The following TBX4 variants were observed in gnomAD, a reference collection of about 807,000 sequenced individuals.
TBX4 encodes T-box transcription factor TBX4.
In TBX4, 13 loss-of-function variants were observed where a neutral mutation model predicts 54.6. The observed-to-expected ratio is 0.24, with a 90% CI of 0.15 to 0.38. The LOEUF is 0.38. Ranked by LOEUF, TBX4 falls within the 10% of genes least tolerant of loss-of-function variation. The pLI is 1.00. For synonymous variants in TBX4, 314 were observed against 306.7 expected, an observed-to-expected ratio of 1.02 and a Z score of -0.25; for missense variants, 631 against 728.5, an observed-to-expected ratio of 0.87 and a Z score of 1.54.
At chr17:61,468,677 A>C (rs2060553564) in intron 5 of TBX4, among the ~76,000 whole-genome samples, 1 of 152,254 alleles carries the variant, frequency 6.6e-6, no homozygotes, top group South Asian at 2.1e-4. Context: ...TTGGTGAGCT[A>C]TAAACAAGCA....
intron 1 of TBX4, 185 bp from the exon 2 acceptor site, chr17:61,456,303 G>C (rs905439982): frequency 2.8e-6 from 2 of 711,934 alleles, no homozygotes; most frequent in African/African-American, 1.8e-5. Context: ...ACAGCCTGAA[G>C]GGAGGAGGCG....
At chr17:61,471,735 ATTTCT>A (rs2060579528) in intron 5 of TBX4, among the ~76,000 whole-genome samples, 1 of 151,614 alleles carries the variant, frequency 6.6e-6, no homozygotes, top group African/African-American at 2.4e-5. Flanking sequence ...TATTATTTTA[ATTTCT>A]TTGAGATAGA....
In TBX4 at chr17:61,472,860, CT is replaced by C. The variant is rs1423581786; in HGVS notation, c.549+5204del. Reference sequence around the variant, plus strand: ...TAATTGAGTTGTCCCCTTTCCTCCCCTGGTTGAGGTGCCTTATTTCTGAACA... The same window carrying C: ...TAATTGAGTTGTCCCCTTTCCTCCCCGGTTGAGGTGCCTTATTTCTGAACA... On this transcript the variant is annotated intron_variant, in intron 5 of 8. Transcript: ENST00000644296. This position sits in a 1 kb window ranked among gnomAD's most constrained non-coding sequence, Gnocchi z 4.5. Among the ~76,000 whole-genome samples the C allele has an allele frequency of 1.3e-5, 2 of 151,832 alleles. No homozygotes were observed. The highest frequency in any genetic ancestry group is 2.9e-5 in the Non-Finnish European group (2 of 68,002).
At position 61,484,293 on chromosome 17, in the gene TBX4, T is replaced by TAA. The variant is rs1429255441; in HGVS notation, c.*779_*780dup. 1 of 152,040 alleles carries TAA rather than the reference T, an allele frequency of 6.6e-6. No homozygotes were observed. The highest frequency in any genetic ancestry group is 6.6e-5 in the Admixed American group (1 of 15,264). The allele number at this position is 152,040 out of a possible 1,614,324, so 9.4% of individuals were successfully genotyped here. ...CTCTGTCATCATTCAGATTTTGTAA[T>TAA]AAAGTACAGAGCCCTTCCCCCTAGG... On this transcript the variant is annotated 3_prime_UTR_variant, in exon 9 of 9. Transcript: ENST00000644296. This position sits in a 1 kb window ranked among gnomAD's most constrained non-coding sequence, Gnocchi z 4.1.
chr17:61,476,448 G>A lies in TBX4; in HGVS notation c.550-2179G>A, dbSNP rs1024953112. Among the ~76,000 whole-genome samples, 14 of 152,236 alleles carry A rather than the reference G, an allele frequency of 9.2e-5. No homozygotes were observed. The highest frequency in any genetic ancestry group is 2.4e-4 in the African/African-American group (10 of 41,466). ...CAGGTATTCCATTGCTGGATCTTCC[G>A]GGAACGTGGGTCCTTTGTGGATGCC... On this transcript the variant is annotated intron_variant, in intron 5 of 8. Transcript: ENST00000644296. This position sits in a 1 kb window ranked among gnomAD's most constrained non-coding sequence, Gnocchi z 6.5.
Position 61,470,433 on chromosome 17 carries a change from C to T in TBX4, c.549+2776C>T, listed in dbSNP as rs769427846. ...GAAGTCTTGGGCCTGGTAGCCTGTCCTGTATGGCACATGGGGCCCTGGAAC... is the reference window on the plus strand; with the variant it reads ...GAAGTCTTGGGCCTGGTAGCCTGTCTTGTATGGCACATGGGGCCCTGGAAC... On this transcript the variant is annotated intron_variant, in intron 5 of 8. Transcript: ENST00000644296. 2.0e-5 allele frequency among the ~76,000 whole-genome samples: 3 copies of T among 152,324 alleles called. No individual in the cohort carries two copies. In the East Asian group the frequency reaches 5.8e-4, roughly 29 times the overall value.
chr17:61,480,461 T>C lies in TBX4; in HGVS notation c.1021+142T>C. ...GGCCTGGGAGAGTGGGCCTGAAGGGTTAGGGATCACAGCTGGGCGCAGGGC... is the reference window on the plus strand; with the variant it reads ...GGCCTGGGAGAGTGGGCCTGAAGGGCTAGGGATCACAGCTGGGCGCAGGGC... On this transcript the variant is annotated intron_variant, in intron 8 of 8. Transcript: ENST00000644296. This position sits in a 1 kb window ranked among gnomAD's most constrained non-coding sequence, Gnocchi z 6.2. 1.2e-6 allele frequency: 1 copy of C among 808,134 alleles called. No homozygotes were observed. Among genetic ancestry groups the C allele is most frequent in the Non-Finnish European group, 2.1e-6 (1 of 487,114 alleles). The allele number at this position is 808,134 out of a possible 1,614,324, so 50.1% of individuals were successfully genotyped here.
At chr17:61,454,632 C>A (rs769073367) in intron 1 of TBX4, among the ~76,000 whole-genome samples, 6 of 152,250 alleles carry the variant, frequency 3.9e-5, no homozygotes, top group Non-Finnish European at 8.8e-5. Flanking sequence ...ACCCTGAGCC[C>A]GGGAGGGAGA....
chr17:61,483,922 T>C lies in TBX4; in HGVS notation c.*406T>C, dbSNP rs77786466. 1,017 of 262,040 alleles carry C rather than the reference T, an allele frequency of 3.9e-3. 9 individuals carry two copies. The highest frequency in any genetic ancestry group is 0.021 in the African/African-American group (930 of 44,898). 16.2% of individuals were successfully genotyped at this position (262,040 alleles called of 1,614,324 possible). The stretch of plus-strand genomic sequence containing the variant: ...TGGGGAAAGATTCTCACTGCTGGGG[T>C]GGGAAGATTCTCGCTGCTGGGGTGT... On this transcript the variant is annotated 3_prime_UTR_variant, in exon 9 of 9. Coordinates refer to ENST00000644296, the MANE Select transcript of TBX4 (RefSeq NM_001321120.2). This position sits in a 1 kb window ranked among gnomAD's most constrained non-coding sequence, Gnocchi z 6.6.
intron 5 of TBX4, among the ~76,000 whole-genome samples, chr17:61,469,576 G>T (rs375086296): frequency 3.2e-4 from 49 of 152,302 alleles, no homozygotes; most frequent in African/African-American, 1.2e-3. Flanking sequence ...TGTGGGTGTG[G>T]CAGGGCCCAG....
intron 5 of TBX4, among the ~76,000 whole-genome samples, chr17:61,470,141 C>T (rs2060566683): frequency 6.6e-6 from 1 of 152,178 alleles, no homozygotes; most frequent in South Asian, 2.1e-4. Flanking sequence ...GCTGTGGTAT[C>T]ATCTTGGGGT....
At position 61,456,649 on chromosome 17, in the gene TBX4, C is replaced by T. The variant is rs755880238; in HGVS notation, c.159C>T (p.Asp53=). The T allele has an allele frequency of 3.0e-4, 403 of 1,349,794 alleles. 4 individuals are homozygous for T. The Admixed American group carries it at 9.5e-3, about 32-fold the overall frequency. The allele number at this position is 1,349,794 out of a possible 1,614,324, so 83.6% of individuals were successfully genotyped here. Residue 53 remains aspartate, a synonymous_variant, in exon 2 of 9, where the codon GAC becomes GAT. Transcript: ENST00000644296. ...GCAGCCCCCCGGGACCCGGGGCCGA[C>T]GTCGTCGCCGCCGCCGCCGCGGAGC... is the stretch of plus-strand genomic sequence containing the variant. ...ALGSPPGPGA[D]VVAAAAAEQT... is the part of the protein sequence containing the mutation.
At chr17:61,455,061 C>G (rs1276920210) in intron 1 of TBX4, among the ~76,000 whole-genome samples, 1 of 152,228 alleles carries the variant, frequency 6.6e-6, no homozygotes, top group South Asian at 2.1e-4. Context: ...CTGGCGCTGG[C>G]CATGTCCAGC....
chr17:61,466,583 C>T (rs780372736), intron 4 of TBX4, among the ~76,000 whole-genome samples: 2 of 152,340 alleles, frequency 1.3e-5, no homozygotes, highest in South Asian at 2.1e-4. Flanking sequence ...CTCGGAACAG[C>T]GCTCCAGGAG....
At chr17:61,470,392 C>T (rs1297417774) in intron 5 of TBX4, among the ~76,000 whole-genome samples, 1 of 152,226 alleles carries the variant, frequency 6.6e-6, no homozygotes, top group Non-Finnish European at 1.5e-5. Context: ...TCTCTGAAGT[C>T]TGAGGACCTT....
At position 61,480,119 on chromosome 17, in the gene TBX4, T is replaced by C; in HGVS notation, c.821T>C (p.Ile274Thr). ...GAATACCCCGTGATTTCCAAAAGCA[T>C]CATGAGGCAGAGGCTCATCTCCCCC... Reference protein sequence around the residue: ...SKEYPVISKSIMRQRLISPQL... With the variant: ...SKEYPVISKSTMRQRLISPQL... Residue 274 changes from isoleucine to threonine, a missense_variant, in exon 8 of 9, where the codon ATC becomes ACC. Ile to Thr is a moderately conservative substitution (Grantham distance 89). This residue lies in a region of TBX4 where 354 missense variants were observed against 368.9 expected (regional missense o/e 0.96). Transcript: ENST00000644296. This position sits in a 1 kb window ranked among gnomAD's most constrained non-coding sequence, Gnocchi z 6.2. The C allele has an allele frequency of 6.2e-7, 1 of 1,613,952 alleles. No individual in the cohort carries two copies. Among genetic ancestry groups the C allele is most frequent in the Middle Eastern group, 1.6e-4 (1 of 6,062 alleles).
chr17:61,455,715 A>C (rs190211069), intron 1 of TBX4, among the ~76,000 whole-genome samples: 1 of 152,160 alleles, frequency 6.6e-6, no homozygotes, highest in African/African-American at 2.4e-5. Flanking sequence ...GTGAGCCTGT[A>C]GGTTCGAACT....
chr17:61,481,678 T>A lies in TBX4; in HGVS notation c.1022-1219T>A, dbSNP rs1052061703. ...GCCCCTCTGCTTCCAGCCCCGTGGG[T>A]GCACACACAGAGCTCCCCGAATGAA... is the stretch of plus-strand genomic sequence containing the variant. On this transcript the variant is annotated intron_variant, in intron 8 of 8. Coordinates refer to ENST00000644296, the MANE Select transcript of TBX4 (RefSeq NM_001321120.2). The surrounding 1 kb of genome is among the most constrained non-coding windows in gnomAD (Gnocchi z 4.8). The A allele has an allele frequency of 6.6e-6, 1 of 152,366 alleles. No individual in the cohort carries two copies. Among genetic ancestry groups the A allele is most frequent in the Non-Finnish European group, 1.5e-5 (1 of 68,198 alleles). 9.4% of individuals were successfully genotyped at this position (152,366 alleles called of 1,614,324 possible).
At chr17:61,467,388 T>C in intron 4 of TBX4, 122 bp from the exon 5 acceptor site, 1 of 1,116,364 alleles carries the variant, frequency 9.0e-7, no homozygotes, top group Non-Finnish European at 1.3e-6. Context: ...AATTTGACAA[T>C]GTGGTGGGAC....
Sources: allele counts gnomAD v4.1 joint callset (sites outside exome capture counted in the v4.1 genomes callset), GRCh38; gene constraint gnomAD v4.1.1; regional missense constraint gnomAD v4.1.1; non-coding constraint Gnocchi (gnomAD v3.1); transcripts MANE v1.5; gene names NCBI Gene and HGNC (gene_info 2026-07-23, HGNC 2026-07-21).